Variants in EAF2 observed in about 807,000 individuals in gnomAD.
The protein encoded by EAF2 is ELL-associated factor 2.
Under a neutral mutation model 29.4 loss-of-function variants are expected in EAF2, and 29 were observed. The ratio of observed to expected loss-of-function variants is 0.99; its 90% CI spans 0.73 to 1.35. EAF2 has a LOEUF of 1.35. Ranked by LOEUF, EAF2 falls within the 40% of genes most tolerant of loss-of-function variation. EAF2 has a pLI of 0.00. For synonymous variants in EAF2, 103 were observed against 102.5 expected, an observed-to-expected ratio of 1.00 and a Z score of -0.03; for missense variants, 292 against 312.0, an observed-to-expected ratio of 0.94 and a Z score of 0.48.
chr3:121,852,713 C>T (rs1394061440), intron 2 of EAF2, among the ~76,000 whole-genome samples: 2 of 152,136 alleles, frequency 1.3e-5, no homozygotes, highest in African/African-American at 4.8e-5. Context: ...TAATATGATA[C>T]ACCACTTAGC....
intron 5 of EAF2, among the ~76,000 whole-genome samples, chr3:121,876,626 T>C (rs1709101387): frequency 6.6e-6 from 1 of 151,988 alleles, no homozygotes; most frequent in South Asian, 2.1e-4. Context: ...GTAGTTTAAG[T>C]ATGCTGAGAT....
Position 121,835,291 on chromosome 3 carries a change from T to C in EAF2, c.6T>C (p.Asn2=). 1 of 1,614,108 alleles carries C rather than the reference T, an allele frequency of 6.2e-7. No homozygotes were observed. The highest frequency in any genetic ancestry group is 8.5e-7 in the Non-Finnish European group (1 of 1,179,980). The change falls in exon 1 of 6, where the codon AAT becomes AAC. Residue 2 remains asparagine, a synonymous_variant. Coordinates refer to ENST00000273668, the MANE Select transcript of EAF2 (RefSeq NM_018456.6). M[N]SAAGFSHLDR... is the part of the protein sequence containing the mutation. ...GTCAAAGCAGGAGAGTAATTATGAATAGCGCAGCGGGATTCTCACACCTAG... is the reference window on the plus strand; with the variant it reads ...GTCAAAGCAGGAGAGTAATTATGAACAGCGCAGCGGGATTCTCACACCTAG...
intron 1 of EAF2, among the ~76,000 whole-genome samples, chr3:121,837,043 T>G (rs1708312897): frequency 7.1e-6 from 1 of 140,554 alleles, no homozygotes; most frequent in Non-Finnish European, 1.6e-5. Flanking sequence ...GCTACCAGAA[T>G]GAAAATAAAC....
At chr3:121,844,340 AT>A in intron 1 of EAF2, 112 bp from the exon 2 acceptor site, 1 of 665,148 alleles carries the variant, frequency 1.5e-6, no homozygotes, top group Non-Finnish European at 2.6e-6. Flanking sequence ...ACTTTAAACC[AT>A]TTTAATTACA....
chr3:121,879,071 T>A (rs1447037472), intron 5 of EAF2, among the ~76,000 whole-genome samples: 2 of 152,202 alleles, frequency 1.3e-5, no homozygotes, highest in African/African-American at 2.4e-5. Flanking sequence ...TTAACTGGGG[T>A]GAGATGATGT....
chr3:121,841,540 A>AAAAG (rs1559816518), intron 1 of EAF2, among the ~76,000 whole-genome samples: 16 of 28,704 alleles, frequency 5.6e-4, no homozygotes, highest in South Asian at 1.1e-3. Context: ...AAAAAAAAAA[A>AAAAG]AAAGAAAGAA....
At chr3:121,866,778 C>G (rs972606656) in intron 4 of EAF2, among the ~76,000 whole-genome samples, 1 of 151,808 alleles carries the variant, frequency 6.6e-6, no homozygotes, top group Non-Finnish European at 1.5e-5. Context: ...AATTACCTGT[C>G]GTACCGTAAT....
At chr3:121,886,307 A>G (rs1166451774) in intron 5 of EAF2, 35 bp from the exon 6 acceptor site, 3 of 1,345,410 alleles carry the variant, frequency 2.2e-6, no homozygotes, top group Non-Finnish European at 3.0e-6. Flanking sequence ...TAAATATTTA[A>G]TTACTACAGT....
At chr3:121,873,241 A>G (rs1709047940) in intron 5 of EAF2, 1 of 503,862 alleles carries the variant, frequency 2.0e-6, no homozygotes. Context: ...ATCACCTTCA[A>G]ATTTACTTTG....
chr3:121,838,851 A>G (rs1257487824), intron 1 of EAF2, among the ~76,000 whole-genome samples: 1 of 152,228 alleles, frequency 6.6e-6, no homozygotes. Context: ...ACTGCTCCCC[A>G]TACACATACA....
intron 5 of EAF2, among the ~76,000 whole-genome samples, chr3:121,878,935 T>A (rs9877591): frequency 0.022 from 3,350 of 152,248 alleles, 123 homozygotes; most frequent in African/African-American, 0.077. Flanking sequence ...ATACAGTAGA[T>A]CTATATAGTT....
chr3:121,872,211 T>A (rs1316727023), intron 4 of EAF2, among the ~76,000 whole-genome samples: 5 of 152,024 alleles, frequency 3.3e-5, no homozygotes, highest in Admixed American at 3.3e-4. Context: ...AGAAGACAGT[T>A]TCTGCCAAAA....
At chr3:121,861,227 T>A (rs1034584083) in intron 4 of EAF2, among the ~76,000 whole-genome samples, 1 of 152,224 alleles carries the variant, frequency 6.6e-6, no homozygotes, top group Admixed American at 6.5e-5. Flanking sequence ...TATATCCTTG[T>A]TAACCTTCTG....
At chr3:121,843,542 C>T (rs564423320) in intron 1 of EAF2, among the ~76,000 whole-genome samples, 7 of 152,162 alleles carry the variant, frequency 4.6e-5, no homozygotes, top group African/African-American at 1.7e-4. Flanking sequence ...TTTTTGTTCT[C>T]TTTTGCATTA....
chr3:121,858,349 A>G (rs1202515891), intron 4 of EAF2, among the ~76,000 whole-genome samples: 1 of 152,188 alleles, frequency 6.6e-6, no homozygotes, highest in Non-Finnish European at 1.5e-5. Flanking sequence ...TGCCTTTTTA[A>G]TGATCGCCAT....
At chr3:121,836,919 T>G in intron 1 of EAF2, 3 of 437,788 alleles carry the variant, frequency 6.9e-6, no homozygotes, top group Non-Finnish European at 9.1e-6. Flanking sequence ...AAATCCCAAT[T>G]TAAATGAATA....
chr3:121,885,311 ACTAC>A (rs1235941317), intron 5 of EAF2, among the ~76,000 whole-genome samples: 3 of 152,312 alleles, frequency 2.0e-5, no homozygotes, highest in African/African-American at 2.4e-5. Flanking sequence ...CCTCCCCCAG[ACTAC>A]CTGAGTCAAA....
chr3:121,850,215 A>G (rs1395788907), intron 2 of EAF2, among the ~76,000 whole-genome samples: 3 of 69,140 alleles, frequency 4.3e-5, no homozygotes, highest in African/African-American at 1.7e-4. Context: ...ATTTAGTTCA[A>G]AATTGATATA....
rs892093458 is a variant in EAF2, at chr3:121,879,051, A to T, written c.736+6263A>T. Reference sequence around the variant, plus strand: ...AGCATGTTATTTTTGTCTTTTCAATAATAGCCATTTTAACTGGGGTGAGAT... The same window carrying T: ...AGCATGTTATTTTTGTCTTTTCAATTATAGCCATTTTAACTGGGGTGAGAT... On this transcript the variant is annotated intron_variant, in intron 5 of 5. Transcript: ENST00000273668. 1.2e-4 allele frequency among the ~76,000 whole-genome samples: 18 copies of T among 152,268 alleles called. No individual in the cohort carries two copies. In the East Asian group the frequency reaches 3.3e-3, roughly 28 times the overall value.
Sources: gnomAD v4.1 joint callset for allele counts (sites outside exome capture counted in the v4.1 genomes callset) on GRCh38, gnomAD v4.1.1 for gene constraint, MANE v1.5 for transcripts, NCBI Gene and HGNC (gene_info 2026-07-23, HGNC 2026-07-21) for gene names.